SNX30: variants seen among roughly 807,000 people sequenced by gnomAD.
SNX30 encodes sorting nexin family member 30.
A neutral mutation model predicts 46.4 loss-of-function variants in SNX30; 24 were observed. The observed-to-expected ratio is 0.52, with a 90% confidence interval of 0.37 to 0.73. The LOEUF (loss-of-function observed/expected upper bound fraction) is 0.73. Ranked by LOEUF, SNX30 falls within the 30% of genes least tolerant of loss-of-function variation. The pLI is 0.00. For missense variants in SNX30, 533 were observed against 555.7 expected, an observed-to-expected ratio of 0.96 and a Z score of 0.41; for synonymous variants, 189 against 211.5, an observed-to-expected ratio of 0.89 and a Z score of 0.92.
chr9:112,820,344 C>A (rs1840472829), intron 3 of SNX30, among the ~76,000 whole-genome samples: 1 of 152,050 alleles, frequency 6.6e-6, no homozygotes, highest in Admixed American at 6.6e-5. Flanking sequence ...CCCTCATCCG[C>A]TACAAAAAAA....
intron 1 of SNX30, 105 bp from the exon 2 acceptor site, chr9:112,804,671 T>G: frequency 1.0e-6 from 1 of 993,962 alleles, no homozygotes; most frequent in Non-Finnish European, 1.5e-6. Context: ...CGAAAGTTAT[T>G]TTTGGGTTTT....
intron 6 of SNX30, among the ~76,000 whole-genome samples, chr9:112,845,832 C>G (rs1308569951): frequency 6.6e-6 from 1 of 152,108 alleles, no homozygotes; most frequent in African/African-American, 2.4e-5. Context: ...TGGAGTTTCC[C>G]TCTTGGATGA....
At chr9:112,834,929 A>G (rs1336770709) in intron 4 of SNX30, among the ~76,000 whole-genome samples, 1 of 151,782 alleles carries the variant, frequency 6.6e-6, no homozygotes, top group Middle Eastern at 3.2e-3. Flanking sequence ...ATGAAGGCCT[A>G]AAGAAGGAAG....
chr9:112,844,159 G>C (rs1052823854), intron 6 of SNX30, among the ~76,000 whole-genome samples: 1 of 152,156 alleles, frequency 6.6e-6, no homozygotes, highest in African/African-American at 2.4e-5. Context: ...GGTATATTTT[G>C]GATGATGGGC....
chr9:112,830,972 A>G (rs1840651296), intron 4 of SNX30, 89 bp downstream of exon 4: 11 of 1,366,672 alleles, frequency 8.0e-6, no homozygotes, highest in Middle Eastern at 2.7e-4. Flanking sequence ...CTCGGTCTCT[A>G]CAAAAACTTT....
At position 112,872,254 on chromosome 9, in the gene SNX30, C is replaced by G. The variant is rs1841457745; in HGVS notation, c.*3411C>G. 6.6e-6 allele frequency: 1 copy of G among 152,202 alleles called. No homozygotes were observed. Among genetic ancestry groups the G allele is most frequent in the Admixed American group, 6.5e-5 (1 of 15,278 alleles). 9.4% of individuals were successfully genotyped at this position (152,202 alleles called of 1,614,324 possible). ...TTTTGTGATCAAATAACAGGAAGTT[C>G]TGCTTTAGAGGAGGGCACGATGACC... On this transcript the variant is annotated 3_prime_UTR_variant, in exon 9 of 9. Transcript: ENST00000374232.
intron 1 of SNX30, among the ~76,000 whole-genome samples, chr9:112,774,629 A>C (rs1839708898): frequency 6.6e-6 from 1 of 152,106 alleles, no homozygotes; most frequent in Non-Finnish European, 1.5e-5. Flanking sequence ...GGTATTGTCA[A>C]CTTTTTTAGT....
chr9:112,847,678 G>A (rs1840960465), intron 6 of SNX30, among the ~76,000 whole-genome samples: 1 of 152,018 alleles, frequency 6.6e-6, no homozygotes, highest in African/African-American at 2.4e-5. Context: ...CTCTTCATTG[G>A]AAAAGAGAGA....
rs563875086 is a variant in SNX30 at position 112,828,810 on chromosome 9, G to A, written c.460-1915G>A. 4.6e-5 allele frequency among the ~76,000 whole-genome samples: 7 copies of A among 152,270 alleles called. No homozygotes were observed. The South Asian group carries it at 1.5e-3, about 32-fold the overall frequency. On this transcript the variant is annotated intron_variant, in intron 3 of 8. Coordinates refer to ENST00000374232, the MANE Select transcript of SNX30 (RefSeq NM_001012994.2). ...CCATTTTATAATCTACAATTCAGTG[G>A]CATCAAATACATTCACAATGTTGTG...
chr9:112,828,467 A>G (rs1840611018), intron 3 of SNX30, among the ~76,000 whole-genome samples: 1 of 152,206 alleles, frequency 6.6e-6, no homozygotes, highest in South Asian at 2.1e-4. Context: ...CATTTCTCAG[A>G]GTGTATCTCT....
rs559184455 is a variant in SNX30, at chr9:112,864,486, C to T, written c.1254+87C>T. On this transcript the variant is annotated intron_variant, in intron 8 of 8. Transcript: ENST00000374232. ...AGAAATCCACAAGCTGGGAATCCTG[C>T]TAGTCTCATCTCCTTCCCTTATTTT... The T allele has an allele frequency of 1.9e-5, 29 of 1,518,420 alleles. No homozygotes were observed. The East Asian group carries it at 5.4e-4, about 28-fold the overall frequency. The allele number at this position is 1,518,420 out of a possible 1,614,324, so 94.1% of individuals were successfully genotyped here.
chr9:112,822,531 G>GTTT (rs1340146319), intron 3 of SNX30, among the ~76,000 whole-genome samples: 522 of 33,886 alleles, frequency 0.015, 10 homozygotes, highest in South Asian at 0.038. Flanking sequence ...TCCCTTTGCT[G>GTTT]TTTTGTTTTG....
rs78749661 is a variant in SNX30, at chr9:112,844,269, A to G, written c.1014+5572A>G. On this transcript the variant is annotated intron_variant, in intron 6 of 8. Coordinates refer to ENST00000374232, the MANE Select transcript of SNX30 (RefSeq NM_001012994.2). ...CGCAGTACTGTTTATTGGGACGGGG[A>G]GGGTCCAGGGAGGAACAGGTGGAGC... 5.0e-3 allele frequency among the ~76,000 whole-genome samples: 765 copies of G among 152,180 alleles called. 6 individuals are homozygous for G. Among genetic ancestry groups the G allele is most frequent in the African/African-American group, 0.018 (751 of 41,510 alleles).
downstream of SNX30, among the ~76,000 whole-genome samples, chr9:112,884,273 C>T (rs565341641): frequency 1.3e-5 from 2 of 152,304 alleles, no homozygotes; most frequent in African/African-American, 4.8e-5. Flanking sequence ...TCCAGTCCAG[C>T]CTCTGCCCTC....
chr9:112,784,672 A>C (rs2131379329), intron 1 of SNX30, among the ~76,000 whole-genome samples: 1 of 152,262 alleles, frequency 6.6e-6, no homozygotes, highest in South Asian at 2.1e-4. Flanking sequence ...CCTAGCCTGG[A>C]CCAGGTTTTG....
At chr9:112,834,585 T>C (rs577458818) in intron 4 of SNX30, among the ~76,000 whole-genome samples, 2 of 152,256 alleles carry the variant, frequency 1.3e-5, no homozygotes, top group African/African-American at 4.8e-5. Context: ...AGAAGTTCTC[T>C]AAACCCAGCT....
chr9:112,769,933 C>T (rs541673255), intron 1 of SNX30, among the ~76,000 whole-genome samples: 77 of 152,020 alleles, frequency 5.1e-4, no homozygotes, highest in Non-Finnish European at 3.8e-4. Flanking sequence ...ATACCTAAGC[C>T]ATCAGCAAGT....
chr9:112,841,241 A>G (rs769239935), intron 6 of SNX30, among the ~76,000 whole-genome samples: 13 of 152,206 alleles, frequency 8.5e-5, no homozygotes, highest in East Asian at 1.9e-4. Context: ...TGTGGCAAGT[A>G]TGTTAGTACT....
At chr9:112,838,972 C>T (rs10981522) in intron 6 of SNX30, among the ~76,000 whole-genome samples, 26,543 of 151,888 alleles carry the variant, frequency 0.17, 3,122 homozygotes, top group African/African-American at 0.34. Flanking sequence ...AACAAAGATG[C>T]CATGGAAAAG....
Sources: gnomAD v4.1 joint callset for allele counts (sites outside exome capture counted in the v4.1 genomes callset) on GRCh38, gnomAD v4.1.1 for gene constraint, MANE v1.5 for transcripts, NCBI Gene and HGNC (gene_info 2026-07-23, HGNC 2026-07-21) for gene names.